Variants in SS18L1 observed in about 807,000 individuals in gnomAD.
The protein encoded by SS18L1 is calcium-responsive transactivator.
A neutral mutation model predicts 70.3 loss-of-function variants in SS18L1; 32 were observed. The observed-to-expected ratio is 0.46, with a 90% CI of 0.34 to 0.61. The LOEUF (loss-of-function observed/expected upper bound fraction) is 0.61. SS18L1 is among the 20% of genes least tolerant of loss of function. The pLI, the probability that SS18L1 is intolerant of heterozygous loss-of-function variation, is 0.01. For missense variants in SS18L1, 430 were observed against 542.1 expected, an observed-to-expected ratio of 0.79 and a Z score of 2.05; for synonymous variants, 237 against 229.7, an observed-to-expected ratio of 1.03 and a Z score of -0.29.
intron 7 of SS18L1, 44 bp from the exon 8 acceptor site, chr20:62,165,378 A>G: frequency 2.5e-6 from 4 of 1,575,476 alleles, no homozygotes; most frequent in Non-Finnish European, 3.5e-6. Flanking sequence ...GGACCTGTGC[A>G]GTGCACAGCC....
rs1354025370 is a variant in SS18L1 at position 62,182,172 on chromosome 20, A to C, written c.*2964A>C. 8.9e-6 allele frequency: 2 copies of C among 224,608 alleles called. No individual in the cohort carries two copies. The highest frequency in any genetic ancestry group is 4.5e-5 in the African/African-American group (2 of 44,784). 13.9% of individuals were successfully genotyped at this position (224,608 alleles called of 1,614,324 possible). ...ACAAGATCTCCTAAGATCTGAAAAG[A>C]AACCTTAATACGCTCATATGGTTGG... On this transcript the variant is annotated 3_prime_UTR_variant, in exon 11 of 11. Transcript: ENST00000331758.
intron 1 of SS18L1, among the ~76,000 whole-genome samples, chr20:62,155,525 C>G (rs990760886): frequency 2.0e-5 from 3 of 152,336 alleles, no homozygotes; most frequent in African/African-American, 7.2e-5. Flanking sequence ...GGGGCCGCAC[C>G]GCTGTGGCTT....
At chr20:62,144,314 C>T (rs2056981754) in intron 1 of SS18L1, among the ~76,000 whole-genome samples, 1 of 152,160 alleles carries the variant, frequency 6.6e-6, no homozygotes, top group Admixed American at 6.5e-5. Flanking sequence ...CAGCCAGCTT[C>T]GGTGGCGACG....
intron 8 of SS18L1, among the ~76,000 whole-genome samples, chr20:62,167,735 G>A (rs1469976055): frequency 2.0e-5 from 3 of 152,178 alleles, no homozygotes; most frequent in South Asian, 2.1e-4. Flanking sequence ...GTCCACATGC[G>A]TCTGCCCAAG....
At chr20:62,151,479 C>A (rs2057128100) in intron 1 of SS18L1, among the ~76,000 whole-genome samples, 1 of 152,210 alleles carries the variant, frequency 6.6e-6, no homozygotes, top group Non-Finnish European at 1.5e-5. Context: ...GCCTGACCAA[C>A]AGAGACACGT....
chr20:62,175,986 G>A lies in SS18L1; in HGVS notation c.1164+1342G>A, dbSNP rs532486862. 7.2e-5 allele frequency among the ~76,000 whole-genome samples: 11 copies of A among 152,376 alleles called. No homozygotes were observed. The East Asian group carries it at 7.7e-4, about 11-fold the overall frequency. ...CAGTGTGTGCTGGGCGCTGGTCAGC[G>A]GGGAGCAGGCCCCAGCTTGGCCCTC... On this transcript the variant is annotated intron_variant, in intron 10 of 10. Transcript: ENST00000331758.
Position 62,174,454 on chromosome 20 carries a change from TAAGAA to T in SS18L1, c.1037-60_1037-56del. ...GAAGTTTTAAAAAAAATTTTTAAGT[TAAGAA>T]AAAAAAAGAAAGAGGTGTCCGTTTT... is the stretch of plus-strand genomic sequence containing the variant. On this transcript the variant is annotated intron_variant, in intron 9 of 10. Transcript: ENST00000331758. This position sits in a 1 kb window ranked among gnomAD's most constrained non-coding sequence, Gnocchi z 4.1. The T allele has an allele frequency of 2.6e-6, 4 of 1,547,304 alleles. No individual in the cohort carries two copies. The highest frequency in any genetic ancestry group is 3.5e-6 in the Non-Finnish European group (4 of 1,149,894).
intron 9 of SS18L1, among the ~76,000 whole-genome samples, chr20:62,173,145 G>A (rs532423633): frequency 3.3e-5 from 5 of 152,350 alleles, no homozygotes; most frequent in South Asian, 2.1e-4. Flanking sequence ...ACGGGAGCCA[G>A]TGTCCCGTGT....
chr20:62,176,213 A>T (rs970073915), intron 10 of SS18L1, among the ~76,000 whole-genome samples: 4 of 152,396 alleles, frequency 2.6e-5, no homozygotes, highest in Admixed American at 2.6e-4. Context: ...ATATAACTTT[A>T]TACCTACCTA....
intron 9 of SS18L1, among the ~76,000 whole-genome samples, chr20:62,173,132 G>C (rs923394108): frequency 6.6e-6 from 1 of 152,252 alleles, no homozygotes; most frequent in East Asian, 1.9e-4. Context: ...CACGTGGCCT[G>C]TGACGGGAGC....
intron 7 of SS18L1, among the ~76,000 whole-genome samples, chr20:62,164,672 G>C (rs1386111311): frequency 6.6e-6 from 1 of 152,242 alleles, no homozygotes; most frequent in Non-Finnish European, 1.5e-5. Context: ...CATCTCTGCA[G>C]AGTATTTTAC....
intron 1 of SS18L1, among the ~76,000 whole-genome samples, chr20:62,154,076 C>G (rs1260962292): frequency 1.3e-5 from 2 of 152,140 alleles, no homozygotes; most frequent in African/African-American, 4.8e-5. Flanking sequence ...ACTTTGCTGC[C>G]AACGAGGACA....
Position 62,165,969 on chromosome 20 carries a change from G to T in SS18L1, c.916+455G>T, listed in dbSNP as rs150497489. 7.5e-3 allele frequency among the ~76,000 whole-genome samples: 1,141 copies of T among 152,342 alleles called. 31 individuals are homozygous for T. Among genetic ancestry groups the T allele is most frequent in the Admixed American group, 0.044 (679 of 15,310 alleles). ...CTCGCGTTTCTTCAGACACCTGCAG[G>T]CCAGGAAACGCACATCTGTGGCTGG... is the stretch of plus-strand genomic sequence containing the variant. On this transcript the variant is annotated intron_variant, in intron 8 of 10. Coordinates refer to ENST00000331758, the MANE Select transcript of SS18L1 (RefSeq NM_198935.3).
Position 62,161,975 on chromosome 20 carries a change from C to T in SS18L1, c.376+395C>T, listed in dbSNP as rs2057338755. ...GTGGCTCAGATCTCTAATCCCAACCCTTTGTGAGGCCTAAACCAGCAGACT... is the reference window on the plus strand; with the variant it reads ...GTGGCTCAGATCTCTAATCCCAACCTTTTGTGAGGCCTAAACCAGCAGACT... On this transcript the variant is annotated intron_variant, in intron 4 of 10. Coordinates refer to ENST00000331758, the MANE Select transcript of SS18L1 (RefSeq NM_198935.3). This position sits in a 1 kb window ranked among gnomAD's most constrained non-coding sequence, Gnocchi z 4.4. 6.6e-6 allele frequency among the ~76,000 whole-genome samples: 1 copy of T among 152,138 alleles called. No individual in the cohort carries two copies. Among genetic ancestry groups the T allele is most frequent in the Non-Finnish European group, 1.5e-5 (1 of 68,024 alleles).
In SS18L1 at chr20:62,154,766, G is replaced by A. The variant is rs762858822; in HGVS notation, c.70-3906G>A. On this transcript the variant is annotated intron_variant, in intron 1 of 10. Transcript: ENST00000331758. The stretch of plus-strand genomic sequence containing the variant: ...GGGGGCCCTTCCAATGGGGAAATGC[G>A]TCCTTCAGCTCTGAGAAAATGATTG... Among the ~76,000 whole-genome samples the A allele has an allele frequency of 9.2e-5, 14 of 152,286 alleles. No homozygotes were observed. In the South Asian group the frequency reaches 1.7e-3, roughly 18 times the overall value.
chr20:62,157,785 C>T (rs1312256681), intron 1 of SS18L1, among the ~76,000 whole-genome samples: 2 of 152,188 alleles, frequency 1.3e-5, no homozygotes, highest in East Asian at 3.8e-4. Flanking sequence ...AGCGCAGCAC[C>T]CCTGGGGGTG....
intron 8 of SS18L1, among the ~76,000 whole-genome samples, chr20:62,171,768 C>T (rs2057535951): frequency 6.6e-6 from 1 of 152,152 alleles, no homozygotes; most frequent in Non-Finnish European, 1.5e-5. Context: ...CCTGTAATCC[C>T]AGCACTTTGG....
rs547314960 is a variant in SS18L1, at chr20:62,148,076, G to A, written c.69+4187G>A. On this transcript the variant is annotated intron_variant, in intron 1 of 10. Coordinates refer to ENST00000331758, the MANE Select transcript of SS18L1 (RefSeq NM_198935.3). ...CCCTTGCATGTGGCTGATTGACAGC[G>A]TTCCTCCTGCGATCAGAGGCTCCCC... is the stretch of plus-strand genomic sequence containing the variant. 3.4e-3 allele frequency among the ~76,000 whole-genome samples: 513 copies of A among 152,306 alleles called. 4 individuals carry two copies. Among genetic ancestry groups the A allele is most frequent in the African/African-American group, 0.012 (490 of 41,570 alleles).
Position 62,159,404 on chromosome 20 carries a change from C to A in SS18L1, c.147-473C>A, listed in dbSNP as rs775259052. ...TGAAGGGACTGGGTCCCCACTGGTG[C>A]GAGGTATACGAGGGGCCTTCCCTGG... On this transcript the variant is annotated intron_variant, in intron 2 of 10. Transcript: ENST00000331758. The surrounding 1 kb of genome is among the most constrained non-coding windows in gnomAD (Gnocchi z 4.4). 1.3e-5 allele frequency among the ~76,000 whole-genome samples: 2 copies of A among 152,124 alleles called. No individual in the cohort carries two copies. Among genetic ancestry groups the A allele is most frequent in the African/African-American group, 4.8e-5 (2 of 41,442 alleles).
Sources: gnomAD v4.1 joint callset for allele counts (sites outside exome capture counted in the v4.1 genomes callset) on GRCh38, gnomAD v4.1.1 for gene constraint, Gnocchi (gnomAD v3.1) non-coding constraint, MANE v1.5 for transcripts, NCBI Gene and HGNC (gene_info 2026-07-23, HGNC 2026-07-21) for gene names.